Variants in RINL observed in about 807,000 individuals in gnomAD.
RINL encodes the protein ras and Rab interactor-like protein.
A neutral mutation model predicts 58.1 loss-of-function variants in RINL; 39 were observed. The observed-to-expected ratio is 0.67, with a 90% confidence interval of 0.52 to 0.88. RINL has a LOEUF of 0.88. Among genes scored for constraint, RINL ranks in the 40% least tolerant of loss-of-function variants. The probability of loss-of-function intolerance (pLI) is 0.00; values close to 1 mark genes in which losing one functional copy is unlikely to be tolerated. For synonymous variants in RINL, 286 were observed against 323.1 expected (o/e 0.89, Z 1.23); for missense variants, 711 against 749.2 (o/e 0.95, Z 0.60).
At chr19:38,873,299 T>C (rs1972852532) in intron 4 of RINL, among the ~76,000 whole-genome samples, 1 of 152,026 alleles carries the variant, frequency 6.6e-6, no homozygotes, top group South Asian at 2.1e-4. Context: ...GGGCAATAGA[T>C]AGAGAGACAG....
intron 3 of RINL, among the ~76,000 whole-genome samples, chr19:38,874,375 C>T (rs367942037): frequency 1.1e-3 from 161 of 152,220 alleles, no homozygotes; most frequent in South Asian, 3.5e-3. Context: ...CGGGGTCAAG[C>T]GATTCTCCTG....
At position 38,870,998 on chromosome 19, in the gene RINL, A is replaced by G; in HGVS notation, c.602-6T>C. 1 of 1,592,616 alleles carries G rather than the reference A, an allele frequency of 6.3e-7. No individual in the cohort carries two copies. Among genetic ancestry groups the G allele is most frequent in the South Asian group, 1.1e-5 (1 of 88,216 alleles). On this transcript the variant is annotated splice_region_variant and splice_polypyrimidine_tract_variant and intron_variant, in intron 7 of 11. Transcript: ENST00000591812. This position sits in a 1 kb window ranked among gnomAD's most constrained non-coding sequence, Gnocchi z 5.8. ...AGGCGCAGGGTTCCTGGGGGCTGGA[A>G]GTGAGGAGGGCATTCGGTCGCCTAG... is the stretch of plus-strand genomic sequence containing the variant.
At chr19:38,875,103 C>T (rs1972891992) in intron 3 of RINL, among the ~76,000 whole-genome samples, 1 of 151,116 alleles carries the variant, frequency 6.6e-6, no homozygotes, top group South Asian at 2.1e-4. Flanking sequence ...CCACTGCACT[C>T]CAGCTTGGGT....
rs746481512 is a variant in RINL, at chr19:38,870,663, T to G, written c.931A>C (p.Thr311Pro). 2 of 1,613,564 alleles carry G rather than the reference T, an allele frequency of 1.2e-6. No individual in the cohort carries two copies. Among genetic ancestry groups the G allele is most frequent in the African/African-American group, 2.7e-5 (2 of 74,882 alleles). Reference sequence around the variant, plus strand: ...TTTGCCAGGTGATCCTGGAGGTCAGTAAGGAGGTGCCGCACATCCTGAAGC... The same window carrying G: ...TTTGCCAGGTGATCCTGGAGGTCAGGAAGGAGGTGCCGCACATCCTGAAGC... ...ELLQDVRHLL[T>P]DLQDHLAKDS... The change falls in exon 8 of 12, where the codon ACT becomes CCT. Residue 311 changes from threonine (T) to proline (P), a missense_variant. Thr to Pro is a conservative substitution (Grantham distance 38). Transcript: ENST00000591812. This position sits in a 1 kb window ranked among gnomAD's most constrained non-coding sequence, Gnocchi z 5.8.
At chr19:38,876,289 A>C in intron 3 of RINL, 42 bp downstream of exon 3, 1 of 1,516,864 alleles carries the variant, frequency 6.6e-7, no homozygotes, top group Non-Finnish European at 8.8e-7. Context: ...GCAGAGTCCT[A>C]ATCTAGGGTG....
Position 38,870,455 on chromosome 19 carries a change from G to A in RINL, c.1024+115C>T, listed in dbSNP as rs1021177324. On this transcript the variant is annotated intron_variant, in intron 8 of 11. Coordinates refer to ENST00000591812, the MANE Select transcript of RINL (RefSeq NM_001195833.2). The surrounding 1 kb of genome is among the most constrained non-coding windows in gnomAD (Gnocchi z 5.8). Reference sequence around the variant, plus strand: ...TGCGCGCATACGTGGGCGATAGAACGCGTGGGATGTGTAGGAAGGGCGTGT... The same window carrying A: ...TGCGCGCATACGTGGGCGATAGAACACGTGGGATGTGTAGGAAGGGCGTGT... 4.8e-6 allele frequency: 6 copies of A among 1,255,592 alleles called. No individual in the cohort carries two copies. In the Admixed American group the frequency reaches 8.8e-5, roughly 18 times the overall value. The allele number at this position is 1,255,592 out of a possible 1,614,324, so 77.8% of individuals were successfully genotyped here.
In RINL at chr19:38,870,962, G is replaced by C; in HGVS notation, c.632C>G (p.Ser211Cys). The change falls in exon 8 of 12, where the codon TCC (serine) becomes TGC (cysteine). Residue 211 changes from serine (S) to cysteine (C), a missense_variant. By Grantham distance (112) the Ser-to-Cys change is moderately radical. Transcript: ENST00000591812. This position sits in a 1 kb window ranked among gnomAD's most constrained non-coding sequence, Gnocchi z 5.8. ...CGGGCTGAGCGGGCCTTTCACCCAG[G>C]AGACCCCGTGAGGCGCAGGGTTCCT... ...APRNPAPHGVSWVKGPLSPEV... is the reference protein window; with the variant it reads ...APRNPAPHGVCWVKGPLSPEV... 1 of 1,604,430 alleles carries C rather than the reference G, an allele frequency of 6.2e-7. No individual in the cohort carries two copies. The highest frequency in any genetic ancestry group is 8.5e-7 in the Non-Finnish European group (1 of 1,178,476).
Position 38,871,086 on chromosome 19 carries a change from T to C in RINL, c.593A>G (p.His198Arg), listed in dbSNP as rs149631177. 6.6e-5 allele frequency: 106 copies of C among 1,600,106 alleles called. No homozygotes were observed. Among genetic ancestry groups the C allele is most frequent in the Non-Finnish European group, 7.7e-6 (9 of 1,173,636 alleles). Residue 198 changes from histidine to arginine, a missense_variant, in exon 7 of 12, where the codon CAT becomes CGT. Coordinates refer to ENST00000591812, the MANE Select transcript of RINL (RefSeq NM_001195833.2). ...QETEPEAAQR[H>R]DPAPRNPAPH... ...GGCCCCGCCCAGCTAACCTGGATCA[T>C]GTCTCTGAGCAGCCTCTGGCTCTGT... is the stretch of plus-strand genomic sequence containing the variant.
At chr19:38,877,067 C>G (rs766534622) in intron 1 of RINL, among the ~76,000 whole-genome samples, 6 of 152,154 alleles carry the variant, frequency 3.9e-5, no homozygotes, top group African/African-American at 1.2e-4. Flanking sequence ...GCGTGCACCA[C>G]CACGCCTGGG....
chr19:38,871,009 C>A lies in RINL; in HGVS notation c.602-17G>T. The A allele has an allele frequency of 6.3e-7, 1 of 1,585,494 alleles. No homozygotes were observed. On this transcript the variant is annotated splice_polypyrimidine_tract_variant and intron_variant, in intron 7 of 11. Coordinates refer to ENST00000591812, the MANE Select transcript of RINL (RefSeq NM_001195833.2). ...TCCTGGGGGCTGGAAGTGAGGAGGG[C>A]ATTCGGTCGCCTAGAACAGGGGCAG...
chr19:38,875,667 A>C (rs1472296182), intron 3 of RINL, among the ~76,000 whole-genome samples: 5 of 130,648 alleles, frequency 3.8e-5, no homozygotes, highest in Non-Finnish European at 7.8e-5. Flanking sequence ...ACAAGAGTGA[A>C]ACTCTCAAAA....
At chr19:38,876,856 G>C in intron 1 of RINL, 75 bp from the exon 2 acceptor site, 1 of 827,304 alleles carries the variant, frequency 1.2e-6, no homozygotes, top group East Asian at 2.7e-5. Flanking sequence ...AATCAATATG[G>C]CAGAGACCCT....
intron 3 of RINL, 23 bp from the exon 4 acceptor site, chr19:38,874,011 A>G (rs1238640436): frequency 1.7e-5 from 24 of 1,407,710 alleles, no homozygotes; most frequent in Admixed American, 7.9e-5. Flanking sequence ...GACAAAGGCC[A>G]GCGTGACAAA....
intron 3 of RINL, among the ~76,000 whole-genome samples, chr19:38,874,211 G>A (rs568618144): frequency 2.0e-4 from 31 of 152,204 alleles, no homozygotes; most frequent in African/African-American, 7.0e-4. Flanking sequence ...GGGTGCTCTC[G>A]GCCCACTGTT....
chr19:38,870,838 C>T lies in RINL; in HGVS notation c.756G>A (p.Glu252=), dbSNP rs760797174. The stretch of plus-strand genomic sequence containing the variant: ...TGGTGAGCACGTCCTCAGGGCCTTC[C>T]TCTTCAGGGTCGTCCTCCCTTCCTT... ...KEEGREDDPE[E]EGPEDVLTIH... Residue 252 remains glutamate (E), a synonymous_variant, in exon 8 of 12, where the codon GAG becomes GAA. Transcript: ENST00000591812. This position sits in a 1 kb window ranked among gnomAD's most constrained non-coding sequence, Gnocchi z 5.8. The T allele has an allele frequency of 1.2e-6, 2 of 1,608,572 alleles. No homozygotes were observed. The highest frequency in any genetic ancestry group is 1.7e-6 in the Non-Finnish European group (2 of 1,179,990).
intron 3 of RINL, among the ~76,000 whole-genome samples, chr19:38,875,663 G>A (rs992645862): frequency 2.1e-5 from 3 of 143,698 alleles, no homozygotes; most frequent in East Asian, 4.1e-4. Context: ...GGCAACAAGA[G>A]TGAAACTCTC....
chr19:38,869,595 A>G lies in RINL; in HGVS notation c.1452T>C (p.Asp484=). The change falls in exon 10 of 12, where the codon GAT becomes GAC. Residue 484 remains aspartate (D), a synonymous_variant. Transcript: ENST00000591812. The surrounding 1 kb of genome is among the most constrained non-coding windows in gnomAD (Gnocchi z 5.7). ...CACCCTCTCCCCGCAGCTCATCTGG[A>G]TCTAAGAGCTCCATAAGAAACTCTA... ...LDVEFLMELL[D]PDELRGEAGY... is the part of the protein sequence containing the mutation. 6.2e-7 allele frequency: 1 copy of G among 1,613,662 alleles called. No individual in the cohort carries two copies. The highest frequency in any genetic ancestry group is 8.5e-7 in the Non-Finnish European group (1 of 1,179,924).
chr19:38,875,373 A>G (rs1408941084), intron 3 of RINL, among the ~76,000 whole-genome samples: 1 of 151,674 alleles, frequency 6.6e-6, no homozygotes, highest in Non-Finnish European at 1.5e-5. Context: ...TTTCTGAATC[A>G]GTTGTGAAAA....
rs1972775141 is a variant in RINL, at chr19:38,870,208, C to T, written c.1077G>A (p.Pro359=). 1.4e-6 allele frequency: 2 copies of T among 1,389,664 alleles called. No homozygotes were observed. The highest frequency in any genetic ancestry group is 1.9e-6 in the Non-Finnish European group (2 of 1,080,308). The allele number at this position is 1,389,664 out of a possible 1,614,324, so 86.1% of individuals were successfully genotyped here. A position where few individuals can be genotyped will look rare whatever the true frequency, so the allele number is the denominator to read the frequency against. ...GTGTGCGGAGTCGTGTCCACAGGGC[C>T]GGCTTCAGGGGCGCCAGCACCGCCT... ...VCQAVLAPLK[P]ALWTRLRTLR... Residue 359 remains proline (P), a synonymous_variant, in exon 9 of 12, where the codon CCG becomes CCA. Coordinates refer to ENST00000591812, the MANE Select transcript of RINL (RefSeq NM_001195833.2). The surrounding 1 kb of genome is among the most constrained non-coding windows in gnomAD (Gnocchi z 5.8).
Sources: gnomAD v4.1 joint callset for allele counts (sites outside exome capture counted in the v4.1 genomes callset) on GRCh38, gnomAD v4.1.1 for gene constraint, Gnocchi (gnomAD v3.1) non-coding constraint, MANE v1.5 for transcripts, NCBI Gene and HGNC (gene_info 2026-07-23, HGNC 2026-07-21) for gene names.